Variants in KNDC1 observed in about 807,000 individuals in gnomAD.
KNDC1 encodes kinase non-catalytic C-lobe domain-containing protein 1.
Under a neutral mutation model 172.8 loss-of-function variants are expected in KNDC1, and 106 were observed. The observed-to-expected ratio is 0.61, with a 90% CI of 0.52 to 0.72. The LOEUF (loss-of-function observed/expected upper bound fraction) is 0.72, where lower values mean the gene tolerates loss of function less well. Among genes scored for constraint, KNDC1 ranks in the 30% least tolerant of loss-of-function variants. KNDC1 has a pLI of 0.00. For synonymous variants in KNDC1, 1,083 were observed against 1,062.2 expected (o/e 1.02, Z -0.38); for missense variants, 2,325 against 2,394.5 (o/e 0.97, Z 0.61).
At chr10:133,221,288 C>T (rs1445366877) in intron 29 of KNDC1, among the ~76,000 whole-genome samples, 2 of 152,144 alleles carry the variant, frequency 1.3e-5, no homozygotes, top group Non-Finnish European at 2.9e-5. Flanking sequence ...TGCCCAGCAC[C>T]TGGGACCAAC....
chr10:133,170,341 G>C (rs186487977), intron 3 of KNDC1, among the ~76,000 whole-genome samples: 1 of 152,174 alleles, frequency 6.6e-6, no homozygotes, highest in South Asian at 2.1e-4. Context: ...GGACGTGGAC[G>C]TGGCAGGGGC....
At position 133,198,947 on chromosome 10, in the gene KNDC1, C is replaced by G; in HGVS notation, c.2439C>G (p.Pro813=). 1 of 1,550,658 alleles carries G rather than the reference C, an allele frequency of 6.4e-7. No homozygotes were observed. Among genetic ancestry groups the G allele is most frequent in the Non-Finnish European group, 8.7e-7 (1 of 1,153,086 alleles). Residue 813 remains proline (P), a synonymous_variant, in exon 14 of 30, where the codon CCC becomes CCG. Coordinates refer to ENST00000304613, the MANE Select transcript of KNDC1 (RefSeq NM_152643.8). ...GAGTTGCTTCCGGGGGCCTCAGGCCCGACGCCCTGGGGCCCACCACGGCCC... is the reference window on the plus strand; with the variant it reads ...GAGTTGCTTCCGGGGGCCTCAGGCCGGACGCCCTGGGGCCCACCACGGCCC... The part of the protein sequence containing the change: ...PPGVASGGLR[P]DALGPTTAHH...
intron 15 of KNDC1, 114 bp from the exon 16 acceptor site, chr10:133,200,261 C>T (rs370545637): frequency 6.9e-5 from 49 of 713,498 alleles, no homozygotes; most frequent in African/African-American, 5.7e-4. Flanking sequence ...GAGCTCCTGC[C>T]GCCTCCAGCG....
At chr10:133,182,941 C>T (rs541187034) in intron 3 of KNDC1, among the ~76,000 whole-genome samples, 1 of 13,470 alleles carries the variant, frequency 7.4e-5, no homozygotes, top group South Asian at 2.3e-3. Context: ...TGGGCACAGG[C>T]GGTGTGGGCA....
chr10:133,170,992 G>A (rs921081855), intron 3 of KNDC1, among the ~76,000 whole-genome samples: 3 of 152,246 alleles, frequency 2.0e-5, no homozygotes, highest in Non-Finnish European at 4.4e-5. Flanking sequence ...GGTGTCCTCT[G>A]CTGAAAAGTA....
At position 133,199,079 on chromosome 10, in the gene KNDC1, C is replaced by G; in HGVS notation, c.2571C>G (p.Asp857Glu). The G allele has an allele frequency of 6.2e-7, 1 of 1,608,092 alleles. No individual in the cohort carries two copies. Among genetic ancestry groups the G allele is most frequent in the East Asian group, 2.2e-5 (1 of 44,634 alleles). The change falls in exon 14 of 30, where the codon GAC (aspartate) becomes GAG (glutamate). Residue 857 changes from aspartate to glutamate, a missense_variant. By Grantham distance (45) the Asp-to-Glu change is conservative. Transcript: ENST00000304613. Reference sequence around the variant, plus strand: ...CCACCCCTGCCGGGGAACGTGATGACCAGAGTCCAGACAGTGTCCCAGAGA... The same window carrying G: ...CCACCCCTGCCGGGGAACGTGATGAGCAGAGTCCAGACAGTGTCCCAGAGA... ...PGATPAGERDDQSPDSVPERP... is the reference protein window; with the variant it reads ...PGATPAGERDEQSPDSVPERP...
rs570565136 is a variant in KNDC1, at chr10:133,224,077, G to A, written c.5019-582G>A. On this transcript the variant is annotated intron_variant, in intron 29 of 29. Transcript: ENST00000304613. This position sits in a 1 kb window ranked among gnomAD's most constrained non-coding sequence, Gnocchi z 5.4. ...GGCTTGGCCTTTCTTTGCCGTAATG[G>A]ACGCCCCTTTCTTTGTCCCTCACAC... Among the ~76,000 whole-genome samples the A allele has an allele frequency of 1.6e-4, 25 of 152,302 alleles. No individual in the cohort carries two copies. The highest frequency in any genetic ancestry group is 6.2e-4 in the South Asian group (3 of 4,828).
chr10:133,168,533 G>T (rs1363269257), intron 3 of KNDC1, among the ~76,000 whole-genome samples: 2 of 151,900 alleles, frequency 1.3e-5, no homozygotes, highest in Non-Finnish European at 2.9e-5. Flanking sequence ...CGGACTGTGG[G>T]TTCTGTGGGC....
At chr10:133,164,002 C>T (rs968455072) in intron 1 of KNDC1, among the ~76,000 whole-genome samples, 1 of 124,058 alleles carries the variant, frequency 8.1e-6, no homozygotes, top group African/African-American at 3.1e-5. Flanking sequence ...CCAAATCCCT[C>T]CTCCCACGTG....
chr10:133,168,111 T>C (rs1853238222), intron 2 of KNDC1, 143 bp from the exon 3 acceptor site: 1 of 743,434 alleles, frequency 1.3e-6, no homozygotes. Flanking sequence ...TTTCCCTTTT[T>C]CATGGCCTAA....
At chr10:133,189,524 G>A (rs909675556) in intron 7 of KNDC1, 74 bp from the exon 8 acceptor site, 67 of 1,444,064 alleles carry the variant, frequency 4.6e-5, no homozygotes, top group Non-Finnish European at 5.9e-5. Flanking sequence ...CTGAGGCTCC[G>A]CAGCTCCTTC....
At chr10:133,207,425 C>T in intron 20 of KNDC1, 74 bp downstream of exon 20, 1 of 1,378,040 alleles carries the variant, frequency 7.3e-7, no homozygotes, top group East Asian at 2.3e-5. Flanking sequence ...GGAACGTGCC[C>T]TCGCCAGTCA....
chr10:133,184,285 TGCACACACACC>T (rs1853822712), intron 5 of KNDC1, among the ~76,000 whole-genome samples: 2 of 117,258 alleles, frequency 1.7e-5, no homozygotes, highest in Non-Finnish European at 3.7e-5. Context: ...ACACACACGC[TGCACACACACC>T]CATGCACACA....
At chr10:133,185,344 CA>C (rs1853862086) in intron 5 of KNDC1, among the ~76,000 whole-genome samples, 3 of 103,850 alleles carry the variant, frequency 2.9e-5, no homozygotes, top group Admixed American at 9.7e-5. Context: ...GCAGTGTGTG[CA>C]GTGTGGAGTA....
chr10:133,217,656 T>C (rs1845495531), intron 26 of KNDC1, among the ~76,000 whole-genome samples: 1 of 151,854 alleles, frequency 6.6e-6, no homozygotes, highest in Admixed American at 6.6e-5. Flanking sequence ...CTGGCTGACA[T>C]GGTGAAACCC....
In KNDC1 at chr10:133,224,052, G is replaced by A. The variant is rs1049202978; in HGVS notation, c.5019-607G>A. On this transcript the variant is annotated intron_variant, in intron 29 of 29. Coordinates refer to ENST00000304613, the MANE Select transcript of KNDC1 (RefSeq NM_152643.8). The surrounding 1 kb of genome is among the most constrained non-coding windows in gnomAD (Gnocchi z 5.4). ...GTGTGTGTGTGTGAGAGCCCATCCA[G>A]GCTTGGCCTTTCTTTGCCGTAATGG... is the stretch of plus-strand genomic sequence containing the variant. 1.3e-5 allele frequency among the ~76,000 whole-genome samples: 2 copies of A among 152,064 alleles called. No individual in the cohort carries two copies. The highest frequency in any genetic ancestry group is 2.9e-5 in the Non-Finnish European group (2 of 68,048).
intron 1 of KNDC1, among the ~76,000 whole-genome samples, chr10:133,164,922 C>A (rs558295104): frequency 7.8e-4 from 119 of 152,326 alleles, no homozygotes; most frequent in Non-Finnish European, 7.8e-4. Context: ...GTCTGACCCC[C>A]CCTTGCTCAC....
chr10:133,186,120 CCA>C lies in KNDC1; in HGVS notation c.773_774del (p.Pro258HisfsTer52). The C allele has an allele frequency of 6.3e-7, 1 of 1,598,414 alleles. No individual in the cohort carries two copies. Among genetic ancestry groups the C allele is most frequent in the Non-Finnish European group, 8.5e-7 (1 of 1,173,426 alleles). ...GACGAGCCGGGGCCCCAGAGCCTCC[CCA>C]ACCAAGGCTCTGCTGTCCACCCCGG... ...SETSRGPRAS[P>X]TKALLSTPVR... On this transcript the variant is annotated frameshift_variant, in exon 6 of 30. Transcript: ENST00000304613. LOFTEE classifies it high-confidence loss of function.
chr10:133,161,534 G>A (rs1852969792), intron 1 of KNDC1, among the ~76,000 whole-genome samples: 2 of 152,164 alleles, frequency 1.3e-5, no homozygotes, highest in South Asian at 4.1e-4. Context: ...GGGACCGGGA[G>A]TTTCTGCTGT....
Sources: allele counts gnomAD v4.1 joint callset (sites outside exome capture counted in the v4.1 genomes callset), GRCh38; gene constraint gnomAD v4.1.1; non-coding constraint Gnocchi (gnomAD v3.1); transcripts MANE v1.5; gene names NCBI Gene and HGNC (gene_info 2026-07-23, HGNC 2026-07-21).